Variants in TRHDE observed in about 807,000 individuals in gnomAD.
The protein encoded by TRHDE is thyrotropin-releasing hormone-degrading ectoenzyme.
Under a neutral mutation model 125.7 loss-of-function variants are expected in TRHDE, and 72 were observed. That is an observed-to-expected ratio of 0.57 (90% CI 0.47 to 0.70). The LOEUF is 0.70. TRHDE is among the 30% of genes least tolerant of loss of function. The probability of loss-of-function intolerance (pLI) is 0.00; values close to 1 mark genes in which losing one functional copy is unlikely to be tolerated. For missense variants in TRHDE, 1,110 were observed against 1,327.1 expected, an observed-to-expected ratio of 0.84 and a Z score of 2.54; for synonymous variants, 509 against 509.1, an observed-to-expected ratio of 1.00 and a Z score of 0.00.
At chr12:72,486,324 G>A (rs1340819823) in intron 5 of TRHDE, among the ~76,000 whole-genome samples, 3 of 152,148 alleles carry the variant, frequency 2.0e-5, no homozygotes, top group African/African-American at 7.2e-5. Context: ...CCAGAAACCT[G>A]TCTTCACAGT....
At chr12:72,348,784 A>G (rs897783324) in intron 2 of TRHDE, among the ~76,000 whole-genome samples, 4 of 152,034 alleles carry the variant, frequency 2.6e-5, no homozygotes, top group Admixed American at 1.3e-4. Flanking sequence ...ACTTTGATGG[A>G]TATAGATGGC....
At chr12:72,504,492 C>T (rs902013323) in intron 6 of TRHDE, among the ~76,000 whole-genome samples, 78 of 151,856 alleles carry the variant, frequency 5.1e-4, no homozygotes, top group African/African-American at 1.6e-3. Context: ...TTAGTAGAGA[C>T]GAGGTTTCAC....
At chr12:72,481,561 T>C (rs1877175002) in intron 5 of TRHDE, among the ~76,000 whole-genome samples, 1 of 123,786 alleles carries the variant, frequency 8.1e-6, no homozygotes. Flanking sequence ...CTCTACAGTC[T>C]TTTTTTTTTT....
At chr12:72,153,126 A>G (rs186893861) in intron 2 of TRHDE, among the ~76,000 whole-genome samples, 130 of 152,252 alleles carry the variant, frequency 8.5e-4, no homozygotes, top group Admixed American at 1.3e-3. Flanking sequence ...TAGTCTTGGG[A>G]GGGTGCATAT....
intron 15 of TRHDE, among the ~76,000 whole-genome samples, chr12:72,627,043 A>C (rs1010021753): frequency 6.6e-6 from 1 of 151,986 alleles, no homozygotes; most frequent in African/African-American, 2.4e-5. Flanking sequence ...TTTGTAGACC[A>C]GTGAATACAG....
intron 2 of TRHDE, among the ~76,000 whole-genome samples, chr12:72,223,334 G>A (rs1283714415): frequency 6.6e-6 from 1 of 152,014 alleles, no homozygotes; most frequent in Non-Finnish European, 1.5e-5. Context: ...TATTTTTCCT[G>A]GTTTTACAAC....
chr12:72,337,610 C>T (rs1194596509), intron 2 of TRHDE, among the ~76,000 whole-genome samples: 3 of 151,888 alleles, frequency 2.0e-5, no homozygotes, highest in Non-Finnish European at 2.9e-5. Context: ...GAGTGTGTCT[C>T]GTATGTCTTT....
At chr12:72,458,246 T>A (rs1875955299) in intron 3 of TRHDE, among the ~76,000 whole-genome samples, 1 of 152,200 alleles carries the variant, frequency 6.6e-6, no homozygotes, top group Non-Finnish European at 1.5e-5. Context: ...TTAATTAAAA[T>A]TCAACTACTT....
intron 3 of TRHDE, among the ~76,000 whole-genome samples, chr12:72,415,445 C>T (rs77278473): frequency 0.033 from 4,943 of 151,944 alleles, 154 homozygotes; most frequent in Admixed American, 0.1. Context: ...TATAGTCACC[C>T]TATTGTGCTA....
chr12:72,128,744 T>C (rs978633714), intron 2 of TRHDE, among the ~76,000 whole-genome samples: 2 of 152,082 alleles, frequency 1.3e-5, no homozygotes, highest in Non-Finnish European at 2.9e-5. Context: ...ATTCAGAGAT[T>C]TAACAGGGAG....
intron 15 of TRHDE, among the ~76,000 whole-genome samples, chr12:72,632,322 C>T (rs999788055): frequency 6.6e-6 from 1 of 151,786 alleles, no homozygotes; most frequent in Non-Finnish European, 1.5e-5. Context: ...TTTACAGTGC[C>T]CTGACCAGAG....
intron 2 of TRHDE, among the ~76,000 whole-genome samples, chr12:72,342,475 A>G (rs888498690): frequency 2.0e-5 from 3 of 152,066 alleles, no homozygotes; most frequent in African/African-American, 4.8e-5. Context: ...TTTTGAATAT[A>G]CTCTTCCTGT....
chr12:72,254,202 A>G (rs1214215824), intron 2 of TRHDE: 3 of 151,968 alleles, frequency 2.0e-5, no homozygotes, highest in Non-Finnish European at 4.4e-5. Flanking sequence ...CCTACAACCT[A>G]TTCATTCTAT....
At chr12:72,448,109 C>T (rs1875389582) in intron 3 of TRHDE, among the ~76,000 whole-genome samples, 1 of 152,054 alleles carries the variant, frequency 6.6e-6, no homozygotes, top group Admixed American at 6.6e-5. Flanking sequence ...TCACTATCTC[C>T]TTGCAGAATG....
chr12:72,332,866 A>C (rs1265914150), intron 2 of TRHDE, among the ~76,000 whole-genome samples: 3 of 152,282 alleles, frequency 2.0e-5, no homozygotes, highest in Non-Finnish European at 1.5e-5. Flanking sequence ...GACCTGCTGA[A>C]TCAGAATCCA....
At position 72,631,812 on chromosome 12, in the gene TRHDE, G is replaced by C. The variant is rs74507361; in HGVS notation, c.2675+10061G>C. On this transcript the variant is annotated intron_variant, in intron 15 of 18. Coordinates refer to ENST00000261180, the MANE Select transcript of TRHDE (RefSeq NM_013381.3). ...AATGTATTATTGTTCTTCTACTCAA[G>C]ACAGCTTTATGGTTATGCCAAAAAA... Among the ~76,000 whole-genome samples the C allele has an allele frequency of 6.0e-3, 914 of 151,958 alleles. 5 individuals carry two copies. The highest frequency in any genetic ancestry group is 0.031 in the Middle Eastern group (9 of 294).
intron 2 of TRHDE, among the ~76,000 whole-genome samples, chr12:72,245,174 C>G (rs1383373651): frequency 1.3e-5 from 2 of 151,758 alleles, no homozygotes; most frequent in Non-Finnish European, 2.9e-5. Context: ...TAAATACATT[C>G]CTGACTTACC....
At chr12:72,626,830 A>G (rs1234463059) in intron 15 of TRHDE, among the ~76,000 whole-genome samples, 1 of 151,922 alleles carries the variant, frequency 6.6e-6, no homozygotes, top group African/African-American at 2.4e-5. Context: ...TGGTCTGTGT[A>G]TATCTCGTCC....
At chr12:72,409,209 A>C (rs752237744) in intron 3 of TRHDE, among the ~76,000 whole-genome samples, 3 of 152,238 alleles carry the variant, frequency 2.0e-5, no homozygotes, top group Non-Finnish European at 4.4e-5. Context: ...TAATAACAAT[A>C]GAATCAGAAG....
Sources: gnomAD v4.1 joint callset for allele counts (sites outside exome capture counted in the v4.1 genomes callset) on GRCh38, gnomAD v4.1.1 for gene constraint, MANE v1.5 for transcripts, NCBI Gene and HGNC (gene_info 2026-07-23, HGNC 2026-07-21) for gene names.